Variants in OTUD7A observed in about 807,000 individuals in gnomAD.
OTUD7A encodes OTU deubiquitinase 7A.
In OTUD7A, 12 loss-of-function variants were observed where a neutral mutation model predicts 65.7. The observed-to-expected ratio is 0.18, with a 90% CI of 0.12 to 0.30. The LOEUF (loss-of-function observed/expected upper bound fraction) is 0.30, where lower values mean the gene tolerates loss of function less well. Ranked by LOEUF, OTUD7A falls within the 10% of genes least tolerant of loss-of-function variation. The pLI is 1.00. For missense variants in OTUD7A, 1,148 were observed against 1,304.8 expected (o/e 0.88, Z 1.85); for synonymous variants, 641 against 586.3 (o/e 1.09, Z -1.35).
At chr15:31,551,473 T>C (rs567182830) in intron 5 of OTUD7A, among the ~76,000 whole-genome samples, 9 of 152,168 alleles carry the variant, frequency 5.9e-5, no homozygotes, top group South Asian at 2.1e-4. Context: ...GTGAACACCA[T>C]TGAGAGAGGC....
At chr15:31,860,699 A>ATATATATATATATATATATG (rs1897714938) in intron 1 of OTUD7A, among the ~76,000 whole-genome samples, 2 of 128,864 alleles carry the variant, frequency 1.6e-5, no homozygotes, top group African/African-American at 5.7e-5. Flanking sequence ...ATATATATAT[A>ATATATATATATATATATATG]TGTATGTATA....
chr15:31,550,608 C>G (rs1468198922), intron 5 of OTUD7A, among the ~76,000 whole-genome samples: 1 of 152,122 alleles, frequency 6.6e-6, no homozygotes, highest in East Asian at 1.9e-4. Context: ...CAGGGGACAC[C>G]TTAATTTCAG....
chr15:31,807,737 T>C (rs956157339), intron 1 of OTUD7A, among the ~76,000 whole-genome samples: 5 of 152,080 alleles, frequency 3.3e-5, no homozygotes, highest in African/African-American at 9.7e-5. Context: ...TATGCTATAT[T>C]TGATTAAGAT....
chr15:31,487,683 G>C lies in OTUD7A; in HGVS notation c.1172-117C>G. ...AATGCACCGAGTGGACATCTACACA[G>C]ATCTGTGCCAGCAGGAGCATGAAGA... is the stretch of plus-strand genomic sequence containing the variant. On this transcript the variant is annotated intron_variant, in intron 10 of 12. Coordinates refer to ENST00000307050, the MANE Select transcript of OTUD7A (RefSeq NM_001382637.1). This position sits in a 1 kb window ranked among gnomAD's most constrained non-coding sequence, Gnocchi z 6.0. The C allele has an allele frequency of 2.7e-6, 2 of 734,604 alleles. No homozygotes were observed. Among genetic ancestry groups the C allele is most frequent in the Non-Finnish European group, 4.4e-6 (2 of 453,548 alleles). The allele number at this position is 734,604 out of a possible 1,614,324, so 45.5% of individuals were successfully genotyped here.
At chr15:31,837,545 CA>C (rs933817627) in intron 1 of OTUD7A, among the ~76,000 whole-genome samples, 6 of 147,556 alleles carry the variant, frequency 4.1e-5, no homozygotes, top group Admixed American at 6.7e-5. Flanking sequence ...GACTCCATCT[CA>C]AAAAAAAATA....
At chr15:31,602,413 G>A (rs1245052066) in intron 3 of OTUD7A, among the ~76,000 whole-genome samples, 1 of 152,050 alleles carries the variant, frequency 6.6e-6, no homozygotes, top group Non-Finnish European at 1.5e-5. Context: ...ACCCCTTCAT[G>A]GTAAAAACTC....
chr15:31,806,568 T>C (rs866920973), intron 1 of OTUD7A, among the ~76,000 whole-genome samples: 4 of 152,328 alleles, frequency 2.6e-5, no homozygotes, highest in Middle Eastern at 3.4e-3. Context: ...AGTGGGTTGC[T>C]GCAAAGCCAA....
intron 1 of OTUD7A, among the ~76,000 whole-genome samples, chr15:31,856,399 T>G (rs1015139057): frequency 6.6e-6 from 1 of 151,968 alleles, no homozygotes; most frequent in Non-Finnish European, 1.5e-5. Context: ...AATATTAGAT[T>G]TTTTTTCATG....
At chr15:31,568,850 T>C (rs916650502) in intron 4 of OTUD7A, among the ~76,000 whole-genome samples, 36 of 152,212 alleles carry the variant, frequency 2.4e-4, no homozygotes, top group African/African-American at 7.7e-4. Flanking sequence ...ACCCTGGCCA[T>C]GTGAAGTGCC....
At chr15:31,604,017 AT>A (rs983092390) in intron 3 of OTUD7A, among the ~76,000 whole-genome samples, 13 of 152,248 alleles carry the variant, frequency 8.5e-5, no homozygotes, top group African/African-American at 3.1e-4. Context: ...TAGTTCAACC[AT>A]TGTGGAAGAC....
At chr15:31,622,259 A>G (rs954295079) in intron 3 of OTUD7A, among the ~76,000 whole-genome samples, 2 of 152,074 alleles carry the variant, frequency 1.3e-5, no homozygotes, top group South Asian at 2.1e-4. Flanking sequence ...TGCTCTTCTC[A>G]AGGAGTATCT....
rs1288271633 is a variant in OTUD7A, at chr15:31,479,783, C to G, written c.*3511G>C. On this transcript the variant is annotated 3_prime_UTR_variant, in exon 13 of 13. Coordinates refer to ENST00000307050, the MANE Select transcript of OTUD7A (RefSeq NM_001382637.1). ...TGGAGAGTCCTTTTATCTTCAGCAC[C>G]CCCAATTCTTGACAGTAAGCTACGA... The G allele has an allele frequency of 6.6e-6, 1 of 152,032 alleles. No homozygotes were observed. The highest frequency in any genetic ancestry group is 2.4e-5 in the African/African-American group (1 of 41,354). 9.4% of individuals were successfully genotyped at this position (152,032 alleles called of 1,614,324 possible). A position where few individuals can be genotyped will look rare whatever the true frequency, so the allele number is the denominator to read the frequency against.
chr15:31,846,787 A>G (rs1406422332), intron 1 of OTUD7A, among the ~76,000 whole-genome samples: 3 of 152,254 alleles, frequency 2.0e-5, no homozygotes, highest in African/African-American at 7.2e-5. Context: ...ATTTTTTAGC[A>G]TATATGATTA....
At position 31,722,779 on chromosome 15, in the gene OTUD7A, C is replaced by G. The variant is rs536216378; in HGVS notation, c.-99-65702G>C. ...GGTCCTTGTCCACTTCGTGGTCTTA[C>G]AGTTGGCAAAACAGAGGCCTAGACA... On this transcript the variant is annotated intron_variant, in intron 1 of 12. Transcript: ENST00000307050. 2.0e-5 allele frequency among the ~76,000 whole-genome samples: 3 copies of G among 152,332 alleles called. No individual in the cohort carries two copies. The South Asian group carries it at 6.2e-4, about 32-fold the overall frequency.
intron 5 of OTUD7A, among the ~76,000 whole-genome samples, chr15:31,537,294 C>T (rs1012835177): frequency 6.6e-6 from 1 of 152,174 alleles, no homozygotes; most frequent in African/African-American, 2.4e-5. Flanking sequence ...TCAGTGATTC[C>T]ATTGTAATAA....
At chr15:31,756,516 T>G (rs1480040319) in intron 1 of OTUD7A, among the ~76,000 whole-genome samples, 3 of 152,120 alleles carry the variant, frequency 2.0e-5, no homozygotes, top group Non-Finnish European at 4.4e-5. Flanking sequence ...ATGGCCTCAA[T>G]GCTCCATCCC....
intron 1 of OTUD7A, among the ~76,000 whole-genome samples, chr15:31,841,123 G>A (rs1443324247): frequency 6.6e-6 from 1 of 152,198 alleles, no homozygotes; most frequent in African/African-American, 2.4e-5. Flanking sequence ...TTGGTACACA[G>A]AGGTGGGGGC....
At chr15:31,644,789 T>C (rs1044774439) in intron 3 of OTUD7A, among the ~76,000 whole-genome samples, 3 of 152,170 alleles carry the variant, frequency 2.0e-5, no homozygotes, top group Non-Finnish European at 4.4e-5. Flanking sequence ...CTAGAAAAGT[T>C]TTCATTACAG....
chr15:31,664,692 T>A (rs1024664752), intron 1 of OTUD7A, among the ~76,000 whole-genome samples: 1 of 152,218 alleles, frequency 6.6e-6, no homozygotes, highest in East Asian at 1.9e-4. Context: ...TTTGTTTTTA[T>A]TGCATTTGCT....
Sources: allele counts gnomAD v4.1 joint callset (sites outside exome capture counted in the v4.1 genomes callset), GRCh38; gene constraint gnomAD v4.1.1; non-coding constraint Gnocchi (gnomAD v3.1); transcripts MANE v1.5; gene names NCBI Gene and HGNC (gene_info 2026-07-23, HGNC 2026-07-21).